CDH2: variants seen among roughly 807,000 people sequenced by gnomAD.
CDH2 encodes the protein cadherin 2, also known as cadherin-2.
In CDH2, 17 loss-of-function variants were observed where a neutral mutation model predicts 92.0. That is an observed-to-expected ratio of 0.18 (90% CI 0.13 to 0.28). The LOEUF (loss-of-function observed/expected upper bound fraction) is 0.28. CDH2 is among the 10% of genes least tolerant of loss of function. The pLI is 1.00. For missense variants in CDH2, 862 were observed against 1,133.1 expected (o/e 0.76, Z 3.44); for synonymous variants, 419 against 415.9 (o/e 1.01, Z -0.09).
At chr18:28,162,155 C>T (rs999816687) in intron 1 of CDH2, among the ~76,000 whole-genome samples, 1 of 152,122 alleles carries the variant, frequency 6.6e-6, no homozygotes, top group Non-Finnish European at 1.5e-5. Flanking sequence ...TCAAAGACAA[C>T]AAAATTATCT....
chr18:28,077,115 A>T (rs1471768115), intron 2 of CDH2, among the ~76,000 whole-genome samples: 1 of 152,144 alleles, frequency 6.6e-6, no homozygotes, highest in Non-Finnish European at 1.5e-5. Flanking sequence ...ATTGGTAATA[A>T]ATGTTAATTT....
chr18:28,147,782 C>T lies in CDH2; in HGVS notation c.63G>A (p.Ala21=), dbSNP rs17469238. The change falls in exon 2 of 16, where the codon GCG becomes GCA. Residue 21 remains alanine, a splice_region_variant and synonymous_variant. Coordinates refer to ENST00000269141, the MANE Select transcript of CDH2 (RefSeq NM_001792.5). Reference sequence around the variant, plus strand: ...CGATTTCACCAGAAGCCTCTACAGACGCCTGCAACACAAGAAAAAAAAAAA... The same window carrying T: ...CGATTTCACCAGAAGCCTCTACAGATGCCTGCAACACAAGAAAAAAAAAAA... ...LLPLLAALLQ[A]SVEASGEIAL... 178 of 1,567,856 alleles carry T rather than the reference C, an allele frequency of 1.1e-4. No homozygotes were observed. The highest frequency in any genetic ancestry group is 1.4e-4 in the Non-Finnish European group (167 of 1,151,812).
chr18:28,047,542 T>G (rs1293259044), intron 2 of CDH2, among the ~76,000 whole-genome samples: 1 of 152,112 alleles, frequency 6.6e-6, no homozygotes, highest in Non-Finnish European at 1.5e-5. Context: ...CTCGTAAGAT[T>G]TGAGACTGAC....
intron 2 of CDH2, among the ~76,000 whole-genome samples, chr18:28,090,163 T>C (rs894764265): frequency 1.3e-5 from 2 of 152,224 alleles, no homozygotes; most frequent in Non-Finnish European, 2.9e-5. Flanking sequence ...AACACAGAGC[T>C]ATGTGGACCC....
intron 6 of CDH2, among the ~76,000 whole-genome samples, chr18:27,943,548 C>T (rs1909193831): frequency 6.6e-6 from 1 of 152,188 alleles, no homozygotes; most frequent in Non-Finnish European, 1.5e-5. Context: ...TATGCAGCTT[C>T]TTGATCTTAG....
At chr18:27,955,457 T>C (rs1434683763) in intron 15 of CDH2, among the ~76,000 whole-genome samples, 1 of 146,260 alleles carries the variant, frequency 6.8e-6, no homozygotes, top group Non-Finnish European at 1.5e-5. Context: ...AAAGGGTCAA[T>C]GGCAAGGCCT....
intron 2 of CDH2, among the ~76,000 whole-genome samples, chr18:28,141,656 C>G (rs778627839): frequency 2.6e-5 from 4 of 151,980 alleles, no homozygotes; most frequent in Non-Finnish European, 4.4e-5. Flanking sequence ...CCCCTCTTGT[C>G]ATTCTGCTCT....
intron 6 of CDH2, among the ~76,000 whole-genome samples, chr18:27,942,294 A>G (rs1270668929): frequency 6.6e-6 from 1 of 152,224 alleles, no homozygotes; most frequent in Non-Finnish European, 1.5e-5. Flanking sequence ...TTCTTTGTAA[A>G]TTATAAAAGG....
chr18:28,013,169 G>A (rs2013146235), intron 3 of CDH2, among the ~76,000 whole-genome samples: 1 of 151,992 alleles, frequency 6.6e-6, no homozygotes, highest in Non-Finnish European at 1.5e-5. Context: ...ATTTTATCTT[G>A]GCTCACAGCA....
chr18:27,955,783 A>T (rs1228478820), intron 15 of CDH2, among the ~76,000 whole-genome samples: 2 of 36,614 alleles, frequency 5.5e-5, no homozygotes, highest in East Asian at 8.2e-4. Context: ...TTTTTTTTAA[A>T]GAGGTTAAGG....
intron 1 of CDH2, among the ~76,000 whole-genome samples, chr18:28,169,719 T>C (rs781204875): frequency 7.2e-5 from 11 of 152,202 alleles, no homozygotes; most frequent in Non-Finnish European, 1.5e-4. Context: ...AGATCATGGA[T>C]CAAACATCTC....
chr18:27,981,980 C>G, intron 14 of CDH2, among the ~76,000 whole-genome samples: 1 of 152,140 alleles, frequency 6.6e-6, no homozygotes, highest in East Asian at 1.9e-4. Context: ...TCAAGAGAAA[C>G]TGTATCAGAA....
intron 1 of CDH2, among the ~76,000 whole-genome samples, chr18:28,169,600 C>A (rs2016434807): frequency 6.6e-6 from 1 of 152,042 alleles, no homozygotes; most frequent in South Asian, 2.1e-4. Flanking sequence ...TTTTTAATTA[C>A]ACAAAAATCA....
intron 2 of CDH2, among the ~76,000 whole-genome samples, chr18:28,084,006 A>T (rs571156442): frequency 6.6e-6 from 1 of 152,320 alleles, no homozygotes; most frequent in Admixed American, 6.5e-5. Context: ...CTTGGTTCAC[A>T]TATAATCTGA....
At chr18:28,106,615 C>T (rs1417696169) in intron 2 of CDH2, among the ~76,000 whole-genome samples, 3 of 152,102 alleles carry the variant, frequency 2.0e-5, no homozygotes, top group Admixed American at 1.3e-4. Flanking sequence ...AGGAAGACCA[C>T]AAGATGAGCT....
intron 2 of CDH2, among the ~76,000 whole-genome samples, chr18:28,046,480 C>T (rs1290522352): frequency 6.6e-6 from 1 of 152,060 alleles, no homozygotes; most frequent in African/African-American, 2.4e-5. Flanking sequence ...AATTTTTTGG[C>T]ATAAAGTGAT....
chr18:28,013,693 T>C lies in CDH2; in HGVS notation c.389A>G (p.Glu130Gly). 6.2e-7 allele frequency: 1 copy of C among 1,609,802 alleles called. No homozygotes were observed. The highest frequency in any genetic ancestry group is 2.2e-5 in the East Asian group (1 of 44,850). Residue 130 changes from glutamate to glycine, a missense_variant, in exon 3 of 16, where the codon GAG (glutamate) becomes GGG (glycine). Glu to Gly is a moderately conservative substitution (Grantham distance 98). Around this residue, in one of 5 missense-constraint regions of CDH2, gnomAD observed 159 missense variants for 177.2 expected, o/e 0.90. Transcript: ENST00000269141. ...KLSLKPTLTEESVKESAEVEE... is the reference protein window; with the variant it reads ...KLSLKPTLTEGSVKESAEVEE... ...ATTCGGATACTATACCTTCACTGACTCCTCAGTTAAGGTTGGCTTCAGGCT... is the reference window on the plus strand; with the variant it reads ...ATTCGGATACTATACCTTCACTGACCCCTCAGTTAAGGTTGGCTTCAGGCT...
At chr18:28,129,176 A>G (rs2015726606) in intron 2 of CDH2, among the ~76,000 whole-genome samples, 1 of 152,214 alleles carries the variant, frequency 6.6e-6, no homozygotes, top group African/African-American at 2.4e-5. Flanking sequence ...ACTGAAAATT[A>G]TAATCTGTCT....
intron 14 of CDH2, 107 bp from the exon 15 acceptor site, chr18:27,963,628 T>G (rs2011466117): frequency 1.1e-6 from 1 of 936,490 alleles, no homozygotes; most frequent in African/African-American, 1.7e-5. Flanking sequence ...TGAGGAAAAT[T>G]TAACATAATG....
Sources: allele counts gnomAD v4.1 joint callset (sites outside exome capture counted in the v4.1 genomes callset), GRCh38; gene constraint gnomAD v4.1.1; regional missense constraint gnomAD v4.1.1; transcripts MANE v1.5; gene names NCBI Gene and HGNC (gene_info 2026-07-23, HGNC 2026-07-21).